Variants in KDM2B observed in about 807,000 individuals in gnomAD.
KDM2B encodes the protein lysine-specific demethylase 2B.
Under a neutral mutation model 150.0 loss-of-function variants are expected in KDM2B, and 26 were observed. That is an observed-to-expected ratio of 0.17 (90% CI 0.13 to 0.24). KDM2B has a LOEUF of 0.24. KDM2B is among the 10% of genes least tolerant of loss of function. The pLI is 1.00. For synonymous variants in KDM2B, 734 were observed against 729.5 expected, an observed-to-expected ratio of 1.01 and a Z score of -0.10; for missense variants, 1,265 against 1,816.9, an observed-to-expected ratio of 0.70 and a Z score of 5.52.
At chr12:121,562,180 A>G (rs1382744630) in intron 4 of KDM2B, among the ~76,000 whole-genome samples, 2 of 151,572 alleles carry the variant, frequency 1.3e-5, no homozygotes, top group East Asian at 3.9e-4. Flanking sequence ...TCTTGGGGAA[A>G]AAAAAAACTT....
chr12:121,565,034 T>C (rs1182667234), intron 4 of KDM2B, among the ~76,000 whole-genome samples: 4 of 152,076 alleles, frequency 2.6e-5, no homozygotes, highest in Non-Finnish European at 4.4e-5. Context: ...GGTTTCATCA[T>C]GTTGCCTAGG....
At chr12:121,465,291 G>T (rs1013466222) in intron 12 of KDM2B, among the ~76,000 whole-genome samples, 1 of 152,138 alleles carries the variant, frequency 6.6e-6, no homozygotes, top group South Asian at 2.1e-4. Context: ...GCAGTGGCAC[G>T]ATCTCGGCTC....
At chr12:121,527,562 G>A (rs1377157469) in intron 8 of KDM2B, among the ~76,000 whole-genome samples, 7 of 148,570 alleles carry the variant, frequency 4.7e-5, no homozygotes, top group Non-Finnish European at 8.9e-5. Context: ...GCTGAAACAG[G>A]AGAATGGCGT....
the KDM2B span, chr12:121,423,618 C>T: frequency 6.4e-7 from 1 of 1,551,908 alleles, no homozygotes; most frequent in Non-Finnish European, 8.8e-7. This position sits in a 1 kb window ranked among gnomAD's most constrained non-coding sequence, Gnocchi z 4.3. Context: ...CAAACTTGAC[C>T]CCCAACATTT....
At chr12:121,470,667 T>C (rs528706859) in intron 12 of KDM2B, 1 of 152,392 alleles carries the variant, frequency 6.6e-6, no homozygotes, top group Admixed American at 6.5e-5. Flanking sequence ...TCTGACTCTG[T>C]AGGCAACTGG....
chr12:121,482,295 TTC>T (rs1882241034), intron 12 of KDM2B, among the ~76,000 whole-genome samples: 1 of 152,140 alleles, frequency 6.6e-6, no homozygotes, highest in African/African-American at 2.4e-5. Flanking sequence ...TTTGTTTTTG[TTC>T]TTTTTGTTTT....
intron 22 of KDM2B, among the ~76,000 whole-genome samples, chr12:121,431,707 A>G (rs781815911): frequency 2.6e-5 from 4 of 152,126 alleles, no homozygotes; most frequent in Non-Finnish European, 5.9e-5. Context: ...ACATCAGCAC[A>G]GAATCTTCAA....
At chr12:121,574,309 G>A (rs1170752203) in intron 4 of KDM2B, 46 of 437,306 alleles carry the variant, frequency 1.1e-4, no homozygotes, top group Non-Finnish European at 9.1e-5. Context: ...TGGAGGCAGC[G>A]TCCAAATGGG....
chr12:121,443,606 G>A, intron 17 of KDM2B, 74 bp downstream of exon 17: 2 of 852,024 alleles, frequency 2.3e-6, no homozygotes, highest in South Asian at 2.7e-5. Context: ...TGGAGGACCA[G>A]CGGGGTGGGG....
chr12:121,423,068 G>GT, the KDM2B span, among the ~76,000 whole-genome samples: 1 of 152,182 alleles, frequency 6.6e-6, no homozygotes, highest in African/African-American at 2.4e-5. The surrounding 1 kb of genome is among the most constrained non-coding windows in gnomAD (Gnocchi z 4.3). Flanking sequence ...TCTTTTTCTA[G>GT]TTACAGAAGT....
At chr12:121,433,168 T>C (rs1566248330) in intron 22 of KDM2B, 1 of 456,574 alleles carries the variant, frequency 2.2e-6, no homozygotes, top group Non-Finnish European at 4.4e-6. Flanking sequence ...GTTCACATAT[T>C]CCCCAAAACT....
intron 6 of KDM2B, among the ~76,000 whole-genome samples, chr12:121,535,694 C>A (rs781819099): frequency 1.5e-4 from 23 of 152,162 alleles, no homozygotes; most frequent in Non-Finnish European, 3.1e-4. Context: ...GGGAGTGAAT[C>A]CAGGGGAAGC....
chr12:121,434,656 C>T (rs1395350583), intron 22 of KDM2B, among the ~76,000 whole-genome samples: 1 of 151,934 alleles, frequency 6.6e-6, no homozygotes, highest in Non-Finnish European at 1.5e-5. Context: ...TTTCGACATG[C>T]AAAAGAATAA....
intron 12 of KDM2B, chr12:121,470,278 C>T (rs2139627364): frequency 6.6e-6 from 1 of 152,276 alleles, no homozygotes; most frequent in African/African-American, 2.4e-5. Context: ...TATCATGGCT[C>T]AAAGAGCGGA....
intron 6 of KDM2B, among the ~76,000 whole-genome samples, chr12:121,538,301 G>A (rs1322464993): frequency 5.9e-5 from 9 of 152,144 alleles, no homozygotes; most frequent in African/African-American, 1.9e-4. Context: ...GTGACGGCCA[G>A]CAAAGCCACC....
At chr12:121,563,458 T>G (rs541982116) in intron 4 of KDM2B, among the ~76,000 whole-genome samples, 131 of 143,496 alleles carry the variant, frequency 9.1e-4, no homozygotes, top group African/African-American at 3.1e-3. Flanking sequence ...AATACAAAAA[T>G]TAGCCGGGCG....
In KDM2B at chr12:121,509,984, C is replaced by A; in HGVS notation, c.1230G>T (p.Met410Ile). ...GCTGCTGATCACAGGCCTCCTCCTC[C>A]ATCTCCAGCCAGGAATCCGAAGAGA... ...DGFSSDSWLE[M>I]EEEACDQQPQ... The change falls in exon 11 of 23, where the codon ATG (methionine) becomes ATT (isoleucine). Residue 410 changes from methionine to isoleucine, a missense_variant. Physicochemically the swap from Met to Ile is conservative, Grantham distance 10 (BLOSUM62 1). Transcript: ENST00000377071. 6.3e-7 allele frequency: 1 copy of A among 1,598,536 alleles called. No individual in the cohort carries two copies. Among genetic ancestry groups the A allele is most frequent in the South Asian group, 1.1e-5 (1 of 89,136 alleles).
rs369387368 is a variant in KDM2B at position 121,513,237 on chromosome 12, T to C, written c.1174+39A>G. On this transcript the variant is annotated intron_variant, in intron 10 of 22. Transcript: ENST00000377071. The surrounding 1 kb of genome is among the most constrained non-coding windows in gnomAD (Gnocchi z 5.0). ...CTGAGAAAATGATTTCTGCCCCAGC[T>C]GTGCAGCCGAGGCCGTGGGCTCCCT... 2.9e-5 allele frequency: 47 copies of C among 1,600,862 alleles called. No individual in the cohort carries two copies. In the East Asian group the frequency reaches 9.9e-4, roughly 34 times the overall value.
chr12:121,438,253 CAA>C (rs35874014), intron 22 of KDM2B, among the ~76,000 whole-genome samples: 12 of 97,078 alleles, frequency 1.2e-4, no homozygotes, highest in Non-Finnish European at 1.2e-4. Flanking sequence ...GGCTCCATCT[CAA>C]AAAAAAAAAA....
Sources: gnomAD v4.1 joint callset for allele counts (sites outside exome capture counted in the v4.1 genomes callset) on GRCh38, gnomAD v4.1.1 for gene constraint, Gnocchi (gnomAD v3.1) non-coding constraint, MANE v1.5 for transcripts, NCBI Gene and HGNC (gene_info 2026-07-23, HGNC 2026-07-21) for gene names.